PITPNB: variants seen among roughly 807,000 people sequenced by gnomAD.
PITPNB encodes phosphatidylinositol transfer protein beta isoform.
Under a neutral mutation model 45.9 loss-of-function variants are expected in PITPNB, and 16 were observed. The ratio of observed to expected loss-of-function variants is 0.35; its 90% CI spans 0.24 to 0.53. The LOEUF (loss-of-function observed/expected upper bound fraction) is 0.53, where lower values mean the gene tolerates loss of function less well. Among genes scored for constraint, PITPNB ranks in the 20% least tolerant of loss-of-function variants. The pLI is 0.93. For missense variants in PITPNB, 188 were observed against 330.5 expected (o/e 0.57, Z 3.34); for synonymous variants, 112 against 108.9 (o/e 1.03, Z -0.18).
At chr22:27,863,066 C>T (rs1320157154) in intron 8 of PITPNB, among the ~76,000 whole-genome samples, 1 of 152,232 alleles carries the variant, frequency 6.6e-6, no homozygotes, top group African/African-American at 2.4e-5. Flanking sequence ...TGCTGAAGTA[C>T]TTCCTAATCC....
At chr22:27,909,463 G>T (rs116772496) in intron 3 of PITPNB, among the ~76,000 whole-genome samples, 1 of 151,860 alleles carries the variant, frequency 6.6e-6, no homozygotes, top group African/African-American at 2.4e-5. Context: ...AAAGAGAAAA[G>T]AAACAATGAA....
At chr22:27,909,207 C>CTTTTTTTTT (rs34224616) in intron 3 of PITPNB, among the ~76,000 whole-genome samples, 1 of 82,246 alleles carries the variant, frequency 1.2e-5, no homozygotes, top group African/African-American at 5.0e-5. Flanking sequence ...ACTGGTAGTA[C>CTTTTTTTTT]TTTTTTTTTT....
intron 10 of PITPNB, among the ~76,000 whole-genome samples, chr22:27,855,620 G>C (rs1051754044): frequency 6.6e-6 from 1 of 152,076 alleles, no homozygotes; most frequent in East Asian, 1.9e-4. Context: ...CCCCCACCCC[G>C]GAACCGGAGG....
chr22:27,911,644 G>C (rs989908813), intron 2 of PITPNB, among the ~76,000 whole-genome samples: 5 of 152,274 alleles, frequency 3.3e-5, no homozygotes, highest in Admixed American at 3.3e-4. Context: ...CCAAATCTTA[G>C]TAGACTTCTG....
intron 7 of PITPNB, among the ~76,000 whole-genome samples, chr22:27,882,875 CA>C (rs1355600300): frequency 6.6e-6 from 1 of 152,258 alleles, no homozygotes; most frequent in East Asian, 1.9e-4. Flanking sequence ...TAGACAGATA[CA>C]ATTGTTCCTT....
rs1293882593 is a variant in PITPNB at position 27,853,085 on chromosome 22, T to C, written c.*617A>G. 2 of 152,580 alleles carry C rather than the reference T, an allele frequency of 1.3e-5. No homozygotes were observed. Among genetic ancestry groups the C allele is most frequent in the African/African-American group, 2.4e-5 (1 of 41,444 alleles). 9.5% of individuals were successfully genotyped at this position (152,580 alleles called of 1,614,324 possible). Reference sequence around the variant, plus strand: ...CCATCCAGAAATAAATAGTTATAAATACATTCAGAGTTTACATCCCAGATT... The same window carrying C: ...CCATCCAGAAATAAATAGTTATAAACACATTCAGAGTTTACATCCCAGATT... On this transcript the variant is annotated 3_prime_UTR_variant, in exon 12 of 12. Transcript: ENST00000335272.
intron 7 of PITPNB, among the ~76,000 whole-genome samples, chr22:27,878,832 TA>T (rs1329714058): frequency 1.3e-5 from 2 of 152,234 alleles, no homozygotes; most frequent in Non-Finnish European, 2.9e-5. Flanking sequence ...AAAGGACCAC[TA>T]ATTGTCAATA....
At chr22:27,866,474 A>G (rs899002988) in intron 8 of PITPNB, among the ~76,000 whole-genome samples, 5 of 152,236 alleles carry the variant, frequency 3.3e-5, no homozygotes, top group Non-Finnish European at 5.9e-5. Flanking sequence ...CAATCAGTAC[A>G]TGTTATCCAC....
At chr22:27,870,271 T>C (rs1469098782) in intron 8 of PITPNB, among the ~76,000 whole-genome samples, 5 of 152,210 alleles carry the variant, frequency 3.3e-5, no homozygotes, top group African/African-American at 4.8e-5. Context: ...AAATGTAACC[T>C]TGTATAGTAC....
intron 3 of PITPNB, among the ~76,000 whole-genome samples, chr22:27,902,895 T>A (rs1040225340): frequency 6.6e-6 from 1 of 152,100 alleles, no homozygotes; most frequent in Non-Finnish European, 1.5e-5. Context: ...AATTTTTAAA[T>A]TTTTTTGTAA....
At chr22:27,871,859 T>C (rs1934670349) in intron 8 of PITPNB, among the ~76,000 whole-genome samples, 1 of 152,110 alleles carries the variant, frequency 6.6e-6, no homozygotes, top group African/African-American at 2.4e-5. Flanking sequence ...ATGAATAGCT[T>C]GGGCCATCCC....
At chr22:27,855,950 G>C (rs1934160647) in intron 10 of PITPNB, among the ~76,000 whole-genome samples, 1 of 152,168 alleles carries the variant, frequency 6.6e-6, no homozygotes, top group African/African-American at 2.4e-5. Context: ...GGTGCTTTCT[G>C]GGTAGGCATT....
At chr22:27,884,681 A>C in intron 7 of PITPNB, among the ~76,000 whole-genome samples, 1 of 152,176 alleles carries the variant, frequency 6.6e-6, no homozygotes, top group African/African-American at 2.4e-5. Context: ...ACACTCAAAC[A>C]TGCTGAAAGA....
intron 7 of PITPNB, among the ~76,000 whole-genome samples, chr22:27,877,246 C>T (rs1380874136): frequency 1.3e-5 from 2 of 152,170 alleles, no homozygotes; most frequent in African/African-American, 4.8e-5. Flanking sequence ...TTAGTAAAAC[C>T]ATCATTATCA....
chr22:27,907,307 G>T (rs1378874016), intron 3 of PITPNB, among the ~76,000 whole-genome samples: 2 of 152,150 alleles, frequency 1.3e-5, no homozygotes, highest in South Asian at 4.1e-4. Flanking sequence ...CTTTCCTGCA[G>T]AACAGTGAAG....
At chr22:27,893,677 A>C (rs1601412182) in intron 7 of PITPNB, among the ~76,000 whole-genome samples, 1 of 149,468 alleles carries the variant, frequency 6.7e-6, no homozygotes, top group Admixed American at 6.7e-5. Context: ...GCAACCTCAA[A>C]TTTCTGGACT....
intron 3 of PITPNB, among the ~76,000 whole-genome samples, chr22:27,907,503 G>C (rs1935799531): frequency 6.6e-6 from 1 of 152,114 alleles, no homozygotes; most frequent in African/African-American, 2.4e-5. Context: ...TTATTGGTTA[G>C]GTTTTTGTTC....
Position 27,896,591 on chromosome 22 carries a change from G to A in PITPNB, c.333C>T (p.Ile111=), listed in dbSNP as rs772784843. Residue 111 remains isoleucine, a synonymous_variant, in exon 6 of 12, where the codon ATC becomes ATT. Coordinates refer to ENST00000335272, the MANE Select transcript of PITPNB (RefSeq NM_012399.5). ...CCAAGTCTGGTTTGTGCCATGTTTCGATTTTAATGAAGAAATCATCTTTCA... is the reference window on the plus strand; with the variant it reads ...CCAAGTCTGGTTTGTGCCATGTTTCAATTTTAATGAAGAAATCATCTTTCA... ...EYMKDDFFIK[I]ETWHKPDLGT... The A allele has an allele frequency of 5.0e-6, 8 of 1,610,494 alleles. No individual in the cohort carries two copies. The highest frequency in any genetic ancestry group is 1.3e-5 in the African/African-American group (1 of 74,800).
In PITPNB at chr22:27,919,229, C is replaced by A. The variant is rs767504810; in HGVS notation, c.-38G>T. 4.8e-6 allele frequency: 7 copies of A among 1,473,106 alleles called. No individual in the cohort carries two copies. Among genetic ancestry groups the A allele is most frequent in the Middle Eastern group, 1.7e-4 (1 of 5,782 alleles). The allele number at this position is 1,473,106 out of a possible 1,614,324, so 91.3% of individuals were successfully genotyped here. A position where few individuals can be genotyped will look rare whatever the true frequency, so the allele number is the denominator to read the frequency against. The stretch of plus-strand genomic sequence containing the variant: ...CCCTCACAGCTGCCGCCGATACCAC[C>A]GCCGCCGCCGCCGCTACCGCCTCTC... On this transcript the variant is annotated 5_prime_UTR_variant, in exon 1 of 12. Coordinates refer to ENST00000335272, the MANE Select transcript of PITPNB (RefSeq NM_012399.5).
Sources: allele counts gnomAD v4.1 joint callset (sites outside exome capture counted in the v4.1 genomes callset), GRCh38; gene constraint gnomAD v4.1.1; transcripts MANE v1.5; gene names NCBI Gene and HGNC (gene_info 2026-07-23, HGNC 2026-07-21).